The following GRM7 variants were observed in gnomAD, a reference collection of about 807,000 sequenced individuals.
The protein encoded by GRM7 is glutamate metabotropic receptor 7, also known as metabotropic glutamate receptor 7.
GRM7 carries 35 observed loss-of-function variants against 84.5 expected under a neutral mutation model. The ratio of observed to expected loss-of-function variants is 0.41; its 90% CI spans 0.32 to 0.55. GRM7 has a LOEUF of 0.55. Among genes scored for constraint, GRM7 ranks in the 20% least tolerant of loss-of-function variants. GRM7 has a pLI of 0.19. For synonymous variants in GRM7, 487 were observed against 455.1 expected (o/e 1.07, Z -0.89); for missense variants, 1,003 against 1,194.6 (o/e 0.84, Z 2.36).
rs1396300355 is a variant in GRM7 at position 7,306,522 on chromosome 3, A to C, written c.903A>C (p.Arg301Ser). 5.6e-6 allele frequency: 9 copies of C among 1,613,808 alleles called. No homozygotes were observed. The highest frequency in any genetic ancestry group is 6.8e-6 in the Non-Finnish European group (8 of 1,179,862). The stretch of plus-strand genomic sequence containing the variant: ...GGCAGATCCTTGCAGCAGCCAAAAG[A>C]GCTGACCAAGTTGGCCATTTTCTTT... ...DIKQILAAAK[R>S]ADQVGHFLWV... Residue 301 changes from arginine (R) to serine (S), a missense_variant, in exon 4 of 10, where the codon AGA becomes AGC. Coordinates refer to ENST00000357716, the MANE Select transcript of GRM7 (RefSeq NM_000844.4).
At chr3:7,460,614 A>G (rs186986864) in intron 6 of GRM7, among the ~76,000 whole-genome samples, 31 of 152,282 alleles carry the variant, frequency 2.0e-4, no homozygotes, top group Middle Eastern at 3.4e-3. Flanking sequence ...GTCATATATC[A>G]TATTATCATG....
intron 2 of GRM7, among the ~76,000 whole-genome samples, chr3:7,186,232 C>A (rs1389716181): frequency 6.6e-6 from 1 of 152,130 alleles, no homozygotes; most frequent in African/African-American, 2.4e-5. Flanking sequence ...TTTCAAGTTG[C>A]GTGTATTTTT....
At chr3:6,905,430 T>C (rs761326443) in intron 1 of GRM7, among the ~76,000 whole-genome samples, 19 of 152,202 alleles carry the variant, frequency 1.2e-4, no homozygotes, top group Non-Finnish European at 2.6e-4. Flanking sequence ...AGTATATTGA[T>C]CTTTTGTCTA....
chr3:7,574,067 T>A (rs1277888125), intron 7 of GRM7, among the ~76,000 whole-genome samples: 1 of 152,164 alleles, frequency 6.6e-6, no homozygotes, highest in Admixed American at 6.5e-5. Context: ...AGATGTAAAT[T>A]CTTTTTAATC....
chr3:7,509,529 TA>T (rs1427609801), intron 7 of GRM7, among the ~76,000 whole-genome samples: 1 of 152,194 alleles, frequency 6.6e-6, no homozygotes, highest in Non-Finnish European at 1.5e-5. Context: ...CAGATATATG[TA>T]TCCCCTGAAG....
chr3:6,883,041 G>A (rs1051786648), intron 1 of GRM7, among the ~76,000 whole-genome samples: 22 of 152,048 alleles, frequency 1.4e-4, no homozygotes, highest in African/African-American at 4.8e-4. Context: ...ATTTAACATC[G>A]TGTGTAGATT....
At chr3:6,886,933 G>C (rs562061211) in intron 1 of GRM7, among the ~76,000 whole-genome samples, 1 of 151,688 alleles carries the variant, frequency 6.6e-6, no homozygotes, top group Non-Finnish European at 1.5e-5. Context: ...CAGCAAGATT[G>C]AGTACTTTGC....
chr3:7,129,762 C>T (rs777682635), intron 1 of GRM7, among the ~76,000 whole-genome samples: 18 of 152,168 alleles, frequency 1.2e-4, no homozygotes, highest in Non-Finnish European at 2.4e-4. Context: ...GTGACTGAAA[C>T]TTCCATACCA....
chr3:7,292,692 T>C (rs1353791874), intron 2 of GRM7, among the ~76,000 whole-genome samples: 3 of 151,868 alleles, frequency 2.0e-5, no homozygotes, highest in African/African-American at 7.3e-5. Flanking sequence ...CTAAGGCTTC[T>C]TCTACTGCTT....
intron 5 of GRM7, among the ~76,000 whole-genome samples, chr3:7,439,920 T>C (rs1214497076): frequency 6.6e-6 from 1 of 151,132 alleles, no homozygotes; most frequent in East Asian, 1.9e-4. Context: ...AATAGAGCCT[T>C]AGGGGAAGAA....
chr3:7,503,927 A>G (rs978752086), intron 7 of GRM7, among the ~76,000 whole-genome samples: 1 of 152,188 alleles, frequency 6.6e-6, no homozygotes, highest in East Asian at 1.9e-4. Context: ...CTACCAAACT[A>G]ACAATAATCT....
chr3:7,411,893 T>G (rs1206096008), intron 4 of GRM7, among the ~76,000 whole-genome samples: 1 of 152,138 alleles, frequency 6.6e-6, no homozygotes, highest in African/African-American at 2.4e-5. Flanking sequence ...TTAAAATTTT[T>G]GTACTTATTT....
chr3:7,237,209 A>C (rs904948351), intron 2 of GRM7, among the ~76,000 whole-genome samples: 9 of 152,150 alleles, frequency 5.9e-5, no homozygotes, highest in Non-Finnish European at 1.0e-4. Context: ...TATATTCTTT[A>C]CCTTTTTCCA....
chr3:6,862,152 T>C lies in GRM7; in HGVS notation c.519+245T>C, dbSNP rs530072948. ...CTTGACATCTGGATTTATGGCCCCA[T>C]TTACAAGAAGCAATCTGCGAAAAAC... On this transcript the variant is annotated intron_variant, in intron 1 of 9. Transcript: ENST00000357716. The surrounding 1 kb of genome is among the most constrained non-coding windows in gnomAD (Gnocchi z 5.2). Among the ~76,000 whole-genome samples the C allele has an allele frequency of 5.9e-5, 9 of 152,158 alleles. No homozygotes were observed. The highest frequency in any genetic ancestry group is 2.2e-4 in the African/African-American group (9 of 41,518).
chr3:7,319,887 T>G (rs1700712476), intron 4 of GRM7, among the ~76,000 whole-genome samples: 1 of 152,038 alleles, frequency 6.6e-6, no homozygotes, highest in Admixed American at 6.6e-5. Context: ...ATGCAAGTCT[T>G]AAATGTACCA....
At chr3:7,084,647 T>A (rs1423839233) in intron 1 of GRM7, among the ~76,000 whole-genome samples, 1 of 152,090 alleles carries the variant, frequency 6.6e-6, no homozygotes, top group African/African-American at 2.4e-5. Flanking sequence ...GTGTAGTTAT[T>A]GTGATGTGTC....
At chr3:7,537,537 C>A (rs1374808471) in intron 7 of GRM7, among the ~76,000 whole-genome samples, 1 of 152,192 alleles carries the variant, frequency 6.6e-6, no homozygotes, top group Non-Finnish European at 1.5e-5. Context: ...AATGACTAGG[C>A]TTAACTACTA....
chr3:7,137,147 C>G (rs537235544), intron 1 of GRM7, among the ~76,000 whole-genome samples: 1 of 152,122 alleles, frequency 6.6e-6, no homozygotes, highest in East Asian at 1.9e-4. Flanking sequence ...ATATTTATGT[C>G]TCAAAGGTAT....
At chr3:6,916,970 CA>C (rs1190781542) in intron 1 of GRM7, among the ~76,000 whole-genome samples, 2 of 151,986 alleles carry the variant, frequency 1.3e-5, no homozygotes, top group African/African-American at 4.8e-5. Flanking sequence ...TAGGAGTTTT[CA>C]AAATTCAGAT....
Sources: allele counts gnomAD v4.1 joint callset (sites outside exome capture counted in the v4.1 genomes callset), GRCh38; gene constraint gnomAD v4.1.1; non-coding constraint Gnocchi (gnomAD v3.1); transcripts MANE v1.5; gene names NCBI Gene and HGNC (gene_info 2026-07-23, HGNC 2026-07-21).